Variants in METTL15 observed in about 807,000 individuals in gnomAD.
METTL15 encodes 12S rRNA N(4)-cytidine methyltransferase METTL15.
Under a neutral mutation model 38.3 loss-of-function variants are expected in METTL15, and 34 were observed. The observed-to-expected ratio is 0.89, with a 90% confidence interval of 0.68 to 1.18. The LOEUF (loss-of-function observed/expected upper bound fraction) is 1.18. Ranked by LOEUF, METTL15 falls within the 50% of genes most tolerant of loss-of-function variation. The pLI is 0.00. For missense variants in METTL15, 438 were observed against 498.4 expected (o/e 0.88, Z 1.15); for synonymous variants, 162 against 170.9 (o/e 0.95, Z 0.41).
intron 3 of METTL15, among the ~76,000 whole-genome samples, chr11:28,173,898 C>T (rs958705891): frequency 3.3e-5 from 5 of 152,096 alleles, no homozygotes; most frequent in African/African-American, 4.8e-5. Context: ...TTATGGGTTT[C>T]GGGGAGGAAG....
intron 4 of METTL15, among the ~76,000 whole-genome samples, chr11:28,222,776 C>G (rs1853300287): frequency 6.6e-6 from 1 of 152,054 alleles, no homozygotes. Context: ...AAACCTATGG[C>G]AAGACTAGTT....
intron 3 of METTL15, chr11:28,123,756 T>C: frequency 3.0e-6 from 2 of 669,870 alleles, no homozygotes; most frequent in Non-Finnish European, 4.7e-6. Flanking sequence ...ATTTTTTATC[T>C]TTGTCCTATT....
chr11:28,339,597 TG>T (rs1355806489), intron 3 of METTL15, among the ~76,000 whole-genome samples: 1 of 149,980 alleles, frequency 6.7e-6, no homozygotes, highest in Non-Finnish European at 1.5e-5. Flanking sequence ...CAGGTGTAAT[TG>T]GCCTCCCAAA....
chr11:28,225,028 CTTT>C (rs34489579), intron 4 of METTL15, among the ~76,000 whole-genome samples: 1 of 151,532 alleles, frequency 6.6e-6, no homozygotes, highest in South Asian at 2.1e-4. Context: ...TATTTAAACA[CTTT>C]TTTAAGTATG....
chr11:28,216,518 A>G (rs891425597), intron 4 of METTL15, among the ~76,000 whole-genome samples: 6 of 152,152 alleles, frequency 3.9e-5, no homozygotes, highest in African/African-American at 1.2e-4. Context: ...TACAAGTTCT[A>G]TGAGAAAATT....
intron 3 of METTL15, among the ~76,000 whole-genome samples, chr11:28,167,294 G>A (rs2133754857): frequency 6.6e-6 from 1 of 152,178 alleles, no homozygotes; most frequent in South Asian, 2.1e-4. Context: ...AAGTAGGTTG[G>A]GCAGCTCTCA....
At chr11:28,263,795 G>C (rs1026366084) in intron 4 of METTL15, among the ~76,000 whole-genome samples, 12 of 151,846 alleles carry the variant, frequency 7.9e-5, no homozygotes, top group African/African-American at 2.9e-4. Flanking sequence ...ACTTGGCTTC[G>C]TTTTTATCTT....
chr11:28,282,120 A>G (rs1397972753), intron 4 of METTL15, among the ~76,000 whole-genome samples: 3 of 152,190 alleles, frequency 2.0e-5, no homozygotes, highest in East Asian at 3.8e-4. Context: ...GACTAGGTCT[A>G]TATACACATT....
At chr11:28,464,447 T>C (rs1305217686) in intron 6 of METTL15, among the ~76,000 whole-genome samples, 1 of 152,204 alleles carries the variant, frequency 6.6e-6, no homozygotes, top group Non-Finnish European at 1.5e-5. Flanking sequence ...AGTGTGGTTG[T>C]GTTCCAGTAA....
chr11:28,162,791 G>A (rs1473196886), intron 3 of METTL15, among the ~76,000 whole-genome samples: 21 of 152,038 alleles, frequency 1.4e-4, no homozygotes, highest in Admixed American at 1.4e-3. Flanking sequence ...TGATTATCAT[G>A]TAATTTATTG....
At chr11:28,508,637 T>C (rs1346978388) in intron 6 of METTL15, among the ~76,000 whole-genome samples, 1 of 152,182 alleles carries the variant, frequency 6.6e-6, no homozygotes, top group African/African-American at 2.4e-5. Context: ...TTTTTGTCCC[T>C]TAGTCACTTC....
At chr11:28,249,575 A>G (rs12786351) in intron 4 of METTL15, among the ~76,000 whole-genome samples, 22,516 of 151,910 alleles carry the variant, frequency 0.15, 2,110 homozygotes, top group Non-Finnish European at 0.21. Context: ...GTCAGTAAGT[A>G]TTCATGAATG....
downstream of METTL15, among the ~76,000 whole-genome samples, chr11:28,530,853 A>G (rs1018208815): frequency 3.3e-5 from 5 of 152,024 alleles, no homozygotes; most frequent in African/African-American, 1.2e-4. Context: ...TCTATCTACA[A>G]TGTTTCAAAA....
At chr11:28,351,330 C>A (rs1464635787) in intron 3 of METTL15, among the ~76,000 whole-genome samples, 1 of 152,074 alleles carries the variant, frequency 6.6e-6, no homozygotes, top group Non-Finnish European at 1.5e-5. Context: ...AGGCTGGTCT[C>A]AAACTCCTGA....
intron 5 of METTL15, among the ~76,000 whole-genome samples, chr11:28,373,941 G>T (rs970321013): frequency 1.3e-5 from 2 of 152,100 alleles, no homozygotes; most frequent in Admixed American, 1.3e-4. Flanking sequence ...CCCATTGCTT[G>T]TTTTTGTCAG....
intron 6 of METTL15, among the ~76,000 whole-genome samples, chr11:28,298,381 T>C (rs1212499997): frequency 6.6e-6 from 1 of 152,098 alleles, no homozygotes; most frequent in African/African-American, 2.4e-5. Flanking sequence ...GTGTTGGGGC[T>C]AGAGAGCATC....
At chr11:28,141,600 G>A (rs1849700563) in intron 3 of METTL15, among the ~76,000 whole-genome samples, 1 of 152,080 alleles carries the variant, frequency 6.6e-6, no homozygotes, top group Non-Finnish European at 1.5e-5. Flanking sequence ...GAGTTGGGAG[G>A]ATCGCTTGAT....
chr11:28,241,774 G>A (rs1398636318), intron 4 of METTL15, among the ~76,000 whole-genome samples: 1 of 152,100 alleles, frequency 6.6e-6, no homozygotes, highest in Non-Finnish European at 1.5e-5. Context: ...ACATGTGCCT[G>A]GTTTCAAGGA....
At chr11:28,158,721 CACTT>C (rs1342419446) in intron 3 of METTL15, among the ~76,000 whole-genome samples, 3 of 152,174 alleles carry the variant, frequency 2.0e-5, no homozygotes, top group Non-Finnish European at 2.9e-5. Flanking sequence ...CCAAGGCACT[CACTT>C]TATGGCTTAA....
Sources: allele counts gnomAD v4.1 joint callset (sites outside exome capture counted in the v4.1 genomes callset), GRCh38; gene constraint gnomAD v4.1.1; transcripts MANE v1.5; gene names NCBI Gene and HGNC (gene_info 2026-07-23, HGNC 2026-07-21).